Variants in UNC93A observed in about 807,000 individuals in gnomAD.
UNC93A encodes the protein unc-93 homolog A, also known as N-acetylglucosamine transporter UNC93A.
In UNC93A, 43 loss-of-function variants were observed where a neutral mutation model predicts 47.5. The observed-to-expected ratio is 0.91, with a 90% CI of 0.71 to 1.17. The LOEUF is 1.17. UNC93A is among the 50% of genes most tolerant of loss of function. The probability of loss-of-function intolerance (pLI) is 0.00; values close to 1 mark genes in which losing one functional copy is unlikely to be tolerated. For synonymous variants in UNC93A, 280 were observed against 258.0 expected (o/e 1.09, Z -0.82); for missense variants, 605 against 577.6 (o/e 1.05, Z -0.49).
intron 4 of UNC93A, among the ~76,000 whole-genome samples, chr6:167,300,609 A>G (rs1778216396): frequency 6.6e-6 from 1 of 152,088 alleles, no homozygotes; most frequent in South Asian, 2.1e-4. Context: ...AGTCAGGAGG[A>G]GCCACGGTTT....
At position 167,293,355 on chromosome 6, in the gene UNC93A, T is replaced by G. The variant is rs151337134; in HGVS notation, c.88-1162T>G. Among the ~76,000 whole-genome samples the G allele has an allele frequency of 3.2e-3, 489 of 152,220 alleles. 4 individuals carry two copies. Among genetic ancestry groups the G allele is most frequent in the Non-Finnish European group, 5.1e-3 (346 of 67,996 alleles). On this transcript the variant is annotated intron_variant, in intron 1 of 7. Transcript: ENST00000230256. ...CTCCCTCTCTGCAGGGCCCCAGGAC[T>G]GTGGAAGGGTCCCCTCCACTCCAGC... is the stretch of plus-strand genomic sequence containing the variant.
At chr6:167,309,170 T>C (rs1196479558) in intron 7 of UNC93A, among the ~76,000 whole-genome samples, 1 of 152,144 alleles carries the variant, frequency 6.6e-6, no homozygotes, top group East Asian at 1.9e-4. Flanking sequence ...AGGTCATAGT[T>C]AGCCGAGATC....
chr6:167,283,692 A>G (rs890354720), intron 1 of UNC93A, among the ~76,000 whole-genome samples: 1 of 152,130 alleles, frequency 6.6e-6, no homozygotes, highest in African/African-American at 2.4e-5. Context: ...TGAGATACAC[A>G]CACACACCTT....
At chr6:167,276,629 G>A (rs1043379525) in intron 1 of UNC93A, among the ~76,000 whole-genome samples, 59 of 152,190 alleles carry the variant, frequency 3.9e-4, no homozygotes, top group African/African-American at 1.3e-3. Flanking sequence ...TCAGAGTCCC[G>A]GGATCCCAGC....
upstream of UNC93A, among the ~76,000 whole-genome samples, chr6:167,269,176 G>C (rs929729084): frequency 6.6e-6 from 1 of 152,186 alleles, no homozygotes; most frequent in Non-Finnish European, 1.5e-5. Context: ...GGAGACCGGC[G>C]GAACAGGCAG....
At chr6:167,301,213 C>G (rs868783957) in intron 4 of UNC93A, among the ~76,000 whole-genome samples, 1 of 152,222 alleles carries the variant, frequency 6.6e-6, no homozygotes, top group Non-Finnish European at 1.5e-5. Context: ...TGTGGAACCT[C>G]CCCTGCAGGG....
At chr6:167,290,520 C>G (rs1184168221), upstream of UNC93A, among the ~76,000 whole-genome samples, 1 of 152,214 alleles carries the variant, frequency 6.6e-6, no homozygotes, top group East Asian at 1.9e-4. Context: ...ATTTTTCTTG[C>G]TTATTAGCTA....
intron 1 of UNC93A, among the ~76,000 whole-genome samples, chr6:167,280,780 T>A (rs1436253337): frequency 6.6e-6 from 1 of 152,158 alleles, no homozygotes; most frequent in Non-Finnish European, 1.5e-5. Context: ...AAAAATTGTA[T>A]GCTTCACTGT....
intron 1 of UNC93A, among the ~76,000 whole-genome samples, chr6:167,277,823 A>G (rs541758117): frequency 4.1e-5 from 6 of 146,506 alleles, no homozygotes; most frequent in Non-Finnish European, 6.0e-5. Context: ...CCCTATCTCT[A>G]TGTCTCTGTT....
upstream of UNC93A, among the ~76,000 whole-genome samples, chr6:167,269,595 T>A (rs544557509): frequency 4.6e-4 from 70 of 152,258 alleles, 2 homozygotes; most frequent in African/African-American, 1.6e-3. Context: ...TGGCACTTTT[T>A]AAAAAATTTT....
intron 4 of UNC93A, among the ~76,000 whole-genome samples, chr6:167,303,235 G>A (rs1458425661): frequency 6.6e-6 from 1 of 152,190 alleles, no homozygotes; most frequent in African/African-American, 2.4e-5. Flanking sequence ...CATATTTAAT[G>A]CACATATAAA....
chr6:167,281,570 C>A (rs557582002), intron 1 of UNC93A, among the ~76,000 whole-genome samples: 1 of 152,306 alleles, frequency 6.6e-6, no homozygotes, highest in South Asian at 2.1e-4. Context: ...CAGGAGCCAG[C>A]AACTCCACAA....
At chr6:167,294,771 A>T (rs1460287027) in intron 2 of UNC93A, 73 bp downstream of exon 2, 1 of 1,479,484 alleles carries the variant, frequency 6.8e-7, no homozygotes, top group Non-Finnish European at 9.1e-7. Flanking sequence ...TCTGCACATG[A>T]GTTGCATTTG....
In UNC93A at chr6:167,303,951, G is replaced by A. The variant is rs781051280; in HGVS notation, c.658G>A (p.Ala220Thr). Residue 220 changes from alanine (A) to threonine (T), a missense_variant, in exon 5 of 8, where the codon GCG becomes ACG. Ala to Thr is a moderately conservative substitution (Grantham distance 58). Transcript: ENST00000230256. ...TGTCCTGGCTGTCCTGATGATAGCT[G>A]CGTTCCTCCAACCCATACGAGATGT... ...SGVLAVLMIA[A>T]FLQPIRDVQR... 5 of 1,613,604 alleles carry A rather than the reference G, an allele frequency of 3.1e-6. No individual in the cohort carries two copies. The highest frequency in any genetic ancestry group is 2.2e-5 in the South Asian group (2 of 91,020).
chr6:167,310,673 G>A (rs1401941115), intron 7 of UNC93A, among the ~76,000 whole-genome samples: 1 of 152,176 alleles, frequency 6.6e-6, no homozygotes, highest in African/African-American at 2.4e-5. Context: ...TTAAGCTCAG[G>A]AGTTCAAGAC....
intron 3 of UNC93A, 108 bp from the exon 4 acceptor site, chr6:167,297,837 C>T (rs139054177): frequency 2.5e-5 from 36 of 1,420,938 alleles, no homozygotes; most frequent in Middle Eastern, 3.6e-4. Flanking sequence ...AGTGATGCCT[C>T]CCCCCAGGTG....
At chr6:167,302,072 G>A (rs1467304272) in intron 4 of UNC93A, among the ~76,000 whole-genome samples, 1 of 152,202 alleles carries the variant, frequency 6.6e-6, no homozygotes, top group Non-Finnish European at 1.5e-5. Flanking sequence ...ATGGAAAGTA[G>A]CCAGATAACG....
rs776280400 is a variant in UNC93A, at chr6:167,305,985, C to T, written c.911C>T (p.Ala304Val). The T allele has an allele frequency of 1.2e-5, 19 of 1,614,062 alleles. No individual in the cohort carries two copies. The highest frequency in any genetic ancestry group is 4.4e-5 in the South Asian group (4 of 91,090). Reference protein sequence around the residue: ...YVMICFSATDALCSVLYGKVS... With the variant: ...YVMICFSATDVLCSVLYGKVS... ...ATGATCTGCTTCTCGGCCACTGACGCGCTGTGCTCCGTGTTGTATGGAAAG... is the reference window on the plus strand; with the variant it reads ...ATGATCTGCTTCTCGGCCACTGACGTGCTGTGCTCCGTGTTGTATGGAAAG... Residue 304 changes from alanine (A) to valine (V), a missense_variant, in exon 6 of 8, where the codon GCG (alanine) becomes GTG (valine). Transcript: ENST00000230256.
intron 1 of UNC93A, among the ~76,000 whole-genome samples, chr6:167,278,479 C>T (rs964051927): frequency 5.9e-5 from 9 of 152,308 alleles, no homozygotes; most frequent in African/African-American, 1.7e-4. Context: ...TGAGGACCCA[C>T]GGCCTGCCCT....
Sources: gnomAD v4.1 joint callset for allele counts (sites outside exome capture counted in the v4.1 genomes callset) on GRCh38, gnomAD v4.1.1 for gene constraint, MANE v1.5 for transcripts, NCBI Gene and HGNC (gene_info 2026-07-23, HGNC 2026-07-21) for gene names.